Variants in HAX1 observed in about 807,000 individuals in gnomAD.
The protein encoded by HAX1 is HCLS1-associated protein X-1.
Under a neutral mutation model 31.1 loss-of-function variants are expected in HAX1, and 27 were observed. The ratio of observed to expected loss-of-function variants is 0.87; its 90% CI spans 0.64 to 1.20. The LOEUF is 1.20. Among genes scored for constraint, HAX1 ranks in the 50% most tolerant of loss-of-function variants. The pLI, the probability that HAX1 is intolerant of heterozygous loss-of-function variation, is 0.00. For missense variants in HAX1, 357 were observed against 361.6 expected (o/e 0.99, Z 0.10); for synonymous variants, 114 against 124.1 (o/e 0.92, Z 0.54).
intron 3 of HAX1, among the ~76,000 whole-genome samples, chr1:154,274,545 C>A (rs1684892174): frequency 6.6e-6 from 1 of 152,128 alleles, no homozygotes; most frequent in South Asian, 2.1e-4. Context: ...TCATGCCTGG[C>A]CAAAGATTGC....
At chr1:154,275,545 C>T (rs1684915290) in intron 6 of HAX1, 62 bp downstream of exon 6, 2 of 1,573,362 alleles carry the variant, frequency 1.3e-6, no homozygotes, top group African/African-American at 2.7e-5. Context: ...TCTTACTCTT[C>T]TACCCTTGTC....
intron 4 of HAX1, 29 bp downstream of exon 4, chr1:154,275,030 A>C (rs759883996): frequency 1.3e-6 from 2 of 1,583,570 alleles, no homozygotes; most frequent in East Asian, 4.5e-5. Context: ...GAAGTTTACC[A>C]GCCTTTTGTT....
At chr1:154,273,246 C>T in intron 1 of HAX1, 90 bp from the exon 2 acceptor site, 4 of 1,548,130 alleles carry the variant, frequency 2.6e-6, no homozygotes, top group Non-Finnish European at 3.5e-6. Context: ...TCCCAGACCC[C>T]TTGCTCTTGT....
Position 154,273,455 on chromosome 1 carries a change from C to T in HAX1, c.173C>T (p.Pro58Leu). ...AGGTTCCATAGTCCTCAGCACCCCC[C>T]TGAGGAATTTGGCTTCGGCTTCAGC... Reference protein sequence around the residue: ...NPRFHSPQHPPEEFGFGFSFS... With the variant: ...NPRFHSPQHPLEEFGFGFSFS... Residue 58 changes from proline (P) to leucine (L), a missense_variant, in exon 2 of 7, where the codon CCT (proline) becomes CTT (leucine). Pro to Leu is a moderately conservative substitution (Grantham distance 98). Transcript: ENST00000328703. 6.2e-7 allele frequency: 1 copy of T among 1,614,196 alleles called. No individual in the cohort carries two copies. The highest frequency in any genetic ancestry group is 2.2e-5 in the East Asian group (1 of 44,884).
intron 3 of HAX1, among the ~76,000 whole-genome samples, chr1:154,274,550 G>C (rs917457373): frequency 2.0e-5 from 3 of 152,134 alleles, no homozygotes; most frequent in African/African-American, 7.2e-5. Context: ...CCTGGCCAAA[G>C]ATTGCAATTC....
chr1:154,272,660 C>A lies in HAX1; in HGVS notation c.-64C>A. 1 of 1,517,682 alleles carries A rather than the reference C, an allele frequency of 6.6e-7. No individual in the cohort carries two copies. Among genetic ancestry groups the A allele is most frequent in the Non-Finnish European group, 9.1e-7 (1 of 1,093,398 alleles). The allele number at this position is 1,517,682 out of a possible 1,614,324, so 94.0% of individuals were successfully genotyped here. The stretch of plus-strand genomic sequence containing the variant: ...TCGCTCAATTTCTCACAGGGCTGCG[C>A]AGGTTTCCCCCGTCTGCGAATGGAC... On this transcript the variant is annotated 5_prime_UTR_variant, in exon 1 of 7. Coordinates refer to ENST00000328703, the MANE Select transcript of HAX1 (RefSeq NM_006118.4).
At chr1:154,275,330 A>G (rs1369363011) in intron 5 of HAX1, 63 bp from the exon 6 acceptor site, 2 of 1,574,046 alleles carry the variant, frequency 1.3e-6, no homozygotes, top group African/African-American at 2.7e-5. Context: ...GGATCTGTGT[A>G]AAGAAACTGC....
intron 1 of HAX1, chr1:154,273,051 G>T: frequency 1.7e-6 from 1 of 599,558 alleles, no homozygotes; most frequent in Admixed American, 3.0e-5. Flanking sequence ...GTGAGCAAGT[G>T]AGCAGGACCT....
chr1:154,275,100 C>CT (rs753416358), intron 4 of HAX1, 54 bp from the exon 5 acceptor site: 1 of 1,455,274 alleles, frequency 6.9e-7, no homozygotes, highest in East Asian at 2.3e-5. Flanking sequence ...CACTTGTCTC[C>CT]TTTTTTCCTT....
chr1:154,273,689 A>G, intron 2 of HAX1, 85 bp from the exon 3 acceptor site: 3 of 1,590,704 alleles, frequency 1.9e-6, no homozygotes, highest in South Asian at 2.2e-5. Context: ...GGGGATGGGA[A>G]GTGTGAGAAG....
In HAX1 at chr1:154,273,397, G is replaced by A. The variant is rs1684859266; in HGVS notation, c.115G>A (p.Glu39Lys). 8 of 1,614,118 alleles carry A rather than the reference G, an allele frequency of 5.0e-6. No homozygotes were observed. Among genetic ancestry groups the A allele is most frequent in the Non-Finnish European group, 6.8e-6 (8 of 1,180,016 alleles). ...TGAAGATGATGATGAGGAAGAAGAA[G>A]AAGAAGGGGGCTCATGGGGCCGTGG... ...RDEDDDEEEE[E>K]EGGSWGRGNP... Residue 39 changes from glutamate (E) to lysine (K), a missense_variant, in exon 2 of 7, where the codon GAA becomes AAA. By Grantham distance (56) the Glu-to-Lys change is moderately conservative. Coordinates refer to ENST00000328703, the MANE Select transcript of HAX1 (RefSeq NM_006118.4).
intron 4 of HAX1, 22 bp downstream of exon 4, chr1:154,275,023 G>T: frequency 6.3e-7 from 1 of 1,593,310 alleles, no homozygotes; most frequent in Non-Finnish European, 8.6e-7. Context: ...GGAAGGGGAA[G>T]TTTACCAGCC....
At chr1:154,273,250 C>G in intron 1 of HAX1, 86 bp from the exon 2 acceptor site, 1 of 1,566,552 alleles carries the variant, frequency 6.4e-7, no homozygotes, top group South Asian at 1.1e-5. Context: ...AGACCCCTTG[C>G]TCTTGTCCCA....
At chr1:154,273,219 C>G (rs1323699235) in intron 1 of HAX1, 117 bp from the exon 2 acceptor site, 2 of 1,193,064 alleles carry the variant, frequency 1.7e-6, no homozygotes, top group Non-Finnish European at 2.5e-6. Context: ...GCCAGTCCTC[C>G]GACCCTCTCC....
rs778735894 is a variant in HAX1, at chr1:154,273,755, A to C, written c.317-19A>C. Reference sequence around the variant, plus strand: ...CAAGTCCTTTCCCATCCCAGCAAACACCTGCCACCTTTCTGCAGAACTTCC... The same window carrying C: ...CAAGTCCTTTCCCATCCCAGCAAACCCCTGCCACCTTTCTGCAGAACTTCC... On this transcript the variant is annotated intron_variant, in intron 2 of 6. Transcript: ENST00000328703. 3.7e-6 allele frequency: 6 copies of C among 1,614,068 alleles called. No individual in the cohort carries two copies. Among genetic ancestry groups the C allele is most frequent in the Non-Finnish European group, 5.1e-6 (6 of 1,179,980 alleles).
chr1:154,275,150 C>A lies in HAX1; in HGVS notation c.557-4C>A, dbSNP rs1684904758. 6.3e-7 allele frequency: 1 copy of A among 1,593,428 alleles called. No individual in the cohort carries two copies. Among genetic ancestry groups the A allele is most frequent in the African/African-American group, 1.3e-5 (1 of 74,536 alleles). Reference sequence around the variant, plus strand: ...CCTGCTTCTTCATCTCTCTGCTCTTCCAGATCTTGATTCCCAGGTTTCCCA... The same window carrying A: ...CCTGCTTCTTCATCTCTCTGCTCTTACAGATCTTGATTCCCAGGTTTCCCA... On this transcript the variant is annotated splice_polypyrimidine_tract_variant and splice_region_variant and intron_variant, in intron 4 of 6. Transcript: ENST00000328703.
At chr1:154,273,679 G>C (rs754267551) in intron 2 of HAX1, 81 bp downstream of exon 2, 26 of 1,591,092 alleles carry the variant, frequency 1.6e-5, no homozygotes, top group Non-Finnish European at 2.1e-5. Context: ...GGAGTAGCTG[G>C]GGGATGGGAA....
At position 154,275,770 on chromosome 1, in the gene HAX1, A is replaced by G; in HGVS notation, c.*69A>G. The G allele has an allele frequency of 9.4e-7, 1 of 1,058,512 alleles. No homozygotes were observed. The highest frequency in any genetic ancestry group is 1.5e-6 in the Non-Finnish European group (1 of 681,146). The allele number at this position is 1,058,512 out of a possible 1,614,324, so 65.6% of individuals were successfully genotyped here. A position where few individuals can be genotyped will look rare whatever the true frequency, so the allele number is the denominator to read the frequency against. ...CCCATTGCCCACCATTAATAAGCTT[A>G]GCTTCTCTTGCCACCTCAGGGGCTT... On this transcript the variant is annotated 3_prime_UTR_variant, in exon 7 of 7. Coordinates refer to ENST00000328703, the MANE Select transcript of HAX1 (RefSeq NM_006118.4).
chr1:154,274,950 T>G lies in HAX1; in HGVS notation c.505T>G (p.Phe169Val). ...DWGSQRPFHRFDDVWPMDPHP... is the reference protein window; with the variant it reads ...DWGSQRPFHRVDDVWPMDPHP... ...TCACTTACTATGGTTTCTTCTGCAG[T>G]TTGATGATGTATGGCCTATGGACCC... Residue 169 changes from phenylalanine to valine, a missense_variant and splice_region_variant, in exon 4 of 7, where the codon TTT (phenylalanine) becomes GTT (valine). Physicochemically the swap from Phe to Val is conservative, Grantham distance 50. Coordinates refer to ENST00000328703, the MANE Select transcript of HAX1 (RefSeq NM_006118.4). 1 of 1,608,904 alleles carries G rather than the reference T, an allele frequency of 6.2e-7. No individual in the cohort carries two copies. Among genetic ancestry groups the G allele is most frequent in the Non-Finnish European group, 8.5e-7 (1 of 1,175,268 alleles).
Sources: allele counts gnomAD v4.1 joint callset (sites outside exome capture counted in the v4.1 genomes callset), GRCh38; gene constraint gnomAD v4.1.1; transcripts MANE v1.5; gene names NCBI Gene and HGNC (gene_info 2026-07-23, HGNC 2026-07-21).